ADGRE3: variants seen among roughly 807,000 people sequenced by gnomAD.
ADGRE3 encodes EGF-like module receptor 3.
A neutral mutation model predicts 80.1 loss-of-function variants in ADGRE3; 88 were observed. That is an observed-to-expected ratio of 1.10 (90% CI 0.93 to 1.31). ADGRE3 has a LOEUF of 1.31. Ranked by LOEUF, ADGRE3 falls within the 40% of genes most tolerant of loss-of-function variation. The pLI is 0.00. For missense variants in ADGRE3, 715 were observed against 776.5 expected (o/e 0.92, Z 0.94); for synonymous variants, 281 against 294.8 (o/e 0.95, Z 0.48).
Position 14,636,062 on chromosome 19 carries a change from T to TTCC in ADGRE3, c.1484+2042_1484+2043insGGA, listed in dbSNP as rs1296282672. 4.4e-3 allele frequency among the ~76,000 whole-genome samples: 385 copies of TTCC among 88,242 alleles called. 24 individuals are homozygous for TTCC. The highest frequency in any genetic ancestry group is 0.02 in the East Asian group (50 of 2,500). The allele number at this position is 88,242 out of a possible 152,430, so 57.9% of individuals were successfully genotyped here. A position where few individuals can be genotyped will look rare whatever the true frequency, so the allele number is the denominator to read the frequency against. ...CTTCCTTCCTTCCTTCCTTCCTTCC[T>TTCC]TTCCTTTCCTTTCCTTTCCCTTTCT... On this transcript the variant is annotated intron_variant, in intron 11 of 15. Transcript: ENST00000253673.
the ADGRE3 span, chr19:14,607,025 G>T: frequency 7.5e-7 from 1 of 1,324,946 alleles, no homozygotes; most frequent in South Asian, 2.0e-5. Flanking sequence ...GCTCTCCACG[G>T]GTGTACTGGC....
At chr19:14,641,750 TTGCTAATGTAGACTGCTAATATACAC>T (rs1971258562) in intron 9 of ADGRE3, 134 bp from the exon 10 acceptor site, 1 of 1,073,526 alleles carries the variant, frequency 9.3e-7, no homozygotes, top group Non-Finnish European at 1.4e-6. Flanking sequence ...CTAATGTAGA[TTGCTAATGTAGACTGCTAATATACAC>T]TGCTAATATA....
intron 9 of ADGRE3, among the ~76,000 whole-genome samples, chr19:14,643,091 AT>A (rs992623348): frequency 8.8e-5 from 12 of 136,902 alleles, no homozygotes; most frequent in African/African-American, 3.0e-4. Context: ...AGCATCTGTT[AT>A]TTTTTGACTT....
At chr19:14,626,319 C>G (rs1453336286) in intron 14 of ADGRE3, among the ~76,000 whole-genome samples, 1 of 151,968 alleles carries the variant, frequency 6.6e-6, no homozygotes, top group Non-Finnish European at 1.5e-5. Flanking sequence ...TGACTGTAAT[C>G]CCAGCTACTC....
chr19:14,633,983 G>A (rs1304934922), intron 11 of ADGRE3, among the ~76,000 whole-genome samples: 3 of 151,752 alleles, frequency 2.0e-5, no homozygotes, highest in Non-Finnish European at 4.4e-5. Context: ...TGCCATGTTG[G>A]CCAGGCTGGT....
intron 7 of ADGRE3, 41 bp from the exon 8 acceptor site, chr19:14,647,406 CTTTCTTTTTTTTTT>C (rs1490266087): frequency 3.4e-6 from 4 of 1,193,032 alleles, no homozygotes; most frequent in African/African-American, 3.2e-5. Context: ...CTTTTCTTTT[CTTTCTTTTTTTTTT>C]TTTTTTTTTG....
At chr19:14,670,250 T>C (rs1279068515) in intron 1 of ADGRE3, among the ~76,000 whole-genome samples, 1 of 152,118 alleles carries the variant, frequency 6.6e-6, no homozygotes, top group Non-Finnish European at 1.5e-5. Context: ...GGTGTTGGGC[T>C]TGTTTGGGCT....
intron 6 of ADGRE3, among the ~76,000 whole-genome samples, chr19:14,654,115 G>A (rs772583611): frequency 1.2e-4 from 16 of 131,848 alleles, no homozygotes; most frequent in African/African-American, 4.3e-4. Context: ...ACCACGCCCC[G>A]CTAATTTCTG....
At chr19:14,670,892 CT>C (rs780587396) in intron 1 of ADGRE3, among the ~76,000 whole-genome samples, 33 of 152,360 alleles carry the variant, frequency 2.2e-4, no homozygotes, top group Admixed American at 1.2e-3. Context: ...CCACAGGGCA[CT>C]ACCTGCATGG....
chr19:14,607,791 G>T, the ADGRE3 span, among the ~76,000 whole-genome samples: 1 of 151,158 alleles, frequency 6.6e-6, no homozygotes, highest in East Asian at 2.0e-4. Context: ...GGCCAGGCTG[G>T]TCTTGAACTC....
At chr19:14,623,366 G>C (rs1970646809) in intron 15 of ADGRE3, among the ~76,000 whole-genome samples, 1 of 151,660 alleles carries the variant, frequency 6.6e-6, no homozygotes, top group South Asian at 2.1e-4. Flanking sequence ...CAAAGTGTTG[G>C]GATTACAGGT....
At chr19:14,667,334 C>A (rs1437827518) in intron 2 of ADGRE3, among the ~76,000 whole-genome samples, 1 of 150,492 alleles carries the variant, frequency 6.6e-6, no homozygotes, top group Admixed American at 6.6e-5. Flanking sequence ...CCATGAATGT[C>A]TTCTTTTCTG....
At chr19:14,644,023 T>C (rs966360121) in intron 9 of ADGRE3, 85 bp downstream of exon 9, 127 of 905,398 alleles carry the variant, frequency 1.4e-4, no homozygotes, top group Admixed American at 1.3e-4. Context: ...TTTTCAGTTT[T>C]TTTTTTTTTT....
chr19:14,665,004 T>C (rs187445549), intron 2 of ADGRE3, among the ~76,000 whole-genome samples: 2 of 151,602 alleles, frequency 1.3e-5, no homozygotes, highest in East Asian at 3.9e-4. Context: ...GGTTTTCATG[T>C]AAAATTTTGC....
intron 5 of ADGRE3, among the ~76,000 whole-genome samples, chr19:14,656,095 C>T (rs1234972662): frequency 6.6e-6 from 1 of 151,748 alleles, no homozygotes; most frequent in Admixed American, 6.6e-5. Flanking sequence ...CCTGTAATCC[C>T]AGAACTTTGG....
rs750189823 is a variant in ADGRE3 at position 14,641,573 on chromosome 19, C to A, written c.1094G>T (p.Ser365Ile). The change falls in exon 10 of 16, where the codon AGC becomes ATC. Residue 365 changes from serine (S) to isoleucine (I), a missense_variant. Ser to Ile is a moderately radical substitution (Grantham distance 142, BLOSUM62 -2). Coordinates refer to ENST00000253673, the MANE Select transcript of ADGRE3 (RefSeq NM_032571.5). Reference protein sequence around the residue: ...VLTVITYVGLSVSLLCLLLAA... With the variant: ...VLTVITYVGLIVSLLCLLLAA... ...CAGGAGGAGGCACAGCAGAGAGACG[C>A]TCAGCCCCACGTAGGTGATGACAGT... The A allele has an allele frequency of 1.2e-6, 2 of 1,614,074 alleles. No individual in the cohort carries two copies. The highest frequency in any genetic ancestry group is 2.7e-5 in the African/African-American group (2 of 74,940).
downstream of ADGRE3, among the ~76,000 whole-genome samples, chr19:14,614,887 A>ATTTTT (rs34761800): frequency 7.1e-3 from 1,002 of 141,648 alleles, 12 homozygotes; most frequent in African/African-American, 0.026. Context: ...CCCGGCCCCC[A>ATTTTT]TTTTTTTTTT....
chr19:14,632,943 C>T lies in ADGRE3; in HGVS notation c.1621G>A (p.Val541Met). The change falls in exon 13 of 16, where the codon GTG becomes ATG. Residue 541 changes from valine to methionine, a missense_variant. By Grantham distance (21) the Val-to-Met change is conservative. Coordinates refer to ENST00000253673, the MANE Select transcript of ADGRE3 (RefSeq NM_032571.5). ...KRKLSSLNSE[V>M]STIQNTRMLA... is the part of the protein sequence containing the mutation. ...TACCTTGTGTTCTGGATGGTTGACA[C>T]TTCACTATTGAGGGAGGAAAGTTTT... The T allele has an allele frequency of 6.2e-7, 1 of 1,613,130 alleles. No homozygotes were observed.
intron 11 of ADGRE3, among the ~76,000 whole-genome samples, chr19:14,637,184 G>C (rs1269309534): frequency 2.0e-5 from 3 of 152,132 alleles, no homozygotes; most frequent in African/African-American, 7.2e-5. Context: ...ACTGGCTTCA[G>C]CTGCTCTGAA....
Sources: allele counts gnomAD v4.1 joint callset (sites outside exome capture counted in the v4.1 genomes callset), GRCh38; gene constraint gnomAD v4.1.1; transcripts MANE v1.5; gene names NCBI Gene and HGNC (gene_info 2026-07-23, HGNC 2026-07-21).